Variants in STXBP5L observed in about 807,000 individuals in gnomAD.
STXBP5L encodes syntaxin binding protein 5L, also known as syntaxin-binding protein 5-like.
A neutral mutation model predicts 144.5 loss-of-function variants in STXBP5L; 65 were observed. The ratio of observed to expected loss-of-function variants is 0.45; its 90% CI spans 0.37 to 0.55. The LOEUF is 0.55. Ranked by LOEUF, STXBP5L falls within the 20% of genes least tolerant of loss-of-function variation. STXBP5L has a pLI of 0.00. For synonymous variants in STXBP5L, 505 were observed against 469.6 expected (o/e 1.08, Z -0.97); for missense variants, 1,298 against 1,405.5 (o/e 0.92, Z 1.22).
At chr3:121,417,579 C>CCT (rs1324938165) in intron 25 of STXBP5L, among the ~76,000 whole-genome samples, 1 of 152,148 alleles carries the variant, frequency 6.6e-6, no homozygotes, top group Admixed American at 6.5e-5. Context: ...GATTCTCGTG[C>CCT]CTCAGCCTCC....
intron 3 of STXBP5L, among the ~76,000 whole-genome samples, chr3:120,979,906 T>G (rs1361750866): frequency 6.6e-6 from 1 of 152,202 alleles, no homozygotes; most frequent in African/African-American, 2.4e-5. Flanking sequence ...ATCCTGTATG[T>G]TTTAGTATGT....
chr3:121,158,725 C>T (rs2046208005), intron 9 of STXBP5L: 1 of 152,130 alleles, frequency 6.6e-6, no homozygotes. Flanking sequence ...TCCACACACC[C>T]CCAGCTAACC....
intron 2 of STXBP5L, among the ~76,000 whole-genome samples, chr3:120,951,259 T>C (rs999090056): frequency 6.6e-6 from 1 of 152,002 alleles, no homozygotes; most frequent in Non-Finnish European, 1.5e-5. Flanking sequence ...ACTTCATGTC[T>C]AAAACACCAA....
intron 5 of STXBP5L, among the ~76,000 whole-genome samples, chr3:121,094,888 C>A (rs982523700): frequency 1.3e-5 from 2 of 152,020 alleles, no homozygotes; most frequent in Non-Finnish European, 2.9e-5. Context: ...TACATTTTGG[C>A]ATGATTTTGC....
chr3:121,010,404 G>A (rs1164224969), intron 3 of STXBP5L, among the ~76,000 whole-genome samples: 1 of 151,612 alleles, frequency 6.6e-6, no homozygotes, highest in Non-Finnish European at 1.5e-5. Context: ...TCCCTTTGGT[G>A]TCTAATATTA....
At chr3:121,037,258 CTT>C (rs371005089) in intron 3 of STXBP5L, among the ~76,000 whole-genome samples, 1 of 142,258 alleles carries the variant, frequency 7.0e-6, no homozygotes, top group Non-Finnish European at 1.5e-5. Flanking sequence ...TTTTTCTTTT[CTT>C]TTTTTTTTGA....
At chr3:121,240,318 T>C (rs967325142) in intron 13 of STXBP5L, 122 bp from the exon 14 acceptor site, 15 of 826,188 alleles carry the variant, frequency 1.8e-5, no homozygotes, top group Non-Finnish European at 2.6e-5. Context: ...CACTTCATTC[T>C]TGATGATTTT....
chr3:121,340,422 G>C (rs1358554868), intron 20 of STXBP5L, among the ~76,000 whole-genome samples: 2 of 151,956 alleles, frequency 1.3e-5, no homozygotes, highest in Non-Finnish European at 2.9e-5. Flanking sequence ...AAGTTGGTTT[G>C]CTGCACCCAT....
At chr3:120,960,996 T>G (rs1249910929) in intron 3 of STXBP5L, among the ~76,000 whole-genome samples, 1 of 152,186 alleles carries the variant, frequency 6.6e-6, no homozygotes, top group Non-Finnish European at 1.5e-5. Flanking sequence ...GTTTAAATCT[T>G]ATTACTCATT....
intron 12 of STXBP5L, among the ~76,000 whole-genome samples, chr3:121,236,064 G>A (rs2049472749): frequency 6.6e-6 from 1 of 152,062 alleles, no homozygotes; most frequent in African/African-American, 2.4e-5. Context: ...TACATATGAT[G>A]TTCTAAATAG....
At chr3:120,950,458 C>A (rs916143849) in intron 2 of STXBP5L, among the ~76,000 whole-genome samples, 6 of 152,114 alleles carry the variant, frequency 3.9e-5, no homozygotes, top group Middle Eastern at 3.4e-3. Flanking sequence ...ATGTGAGTTA[C>A]CTAACTTTGT....
intron 9 of STXBP5L, among the ~76,000 whole-genome samples, chr3:121,205,298 T>G (rs2048295232): frequency 6.6e-6 from 1 of 152,202 alleles, no homozygotes; most frequent in African/African-American, 2.4e-5. Flanking sequence ...CTTACTGTGT[T>G]ATAACATGGT....
intron 3 of STXBP5L, among the ~76,000 whole-genome samples, chr3:120,981,211 CAGG>C (rs755860685): frequency 7.2e-5 from 11 of 152,084 alleles, no homozygotes; most frequent in Non-Finnish European, 1.5e-4. Context: ...ATGTATCTTC[CAGG>C]AGTTTTCTGA....
chr3:121,103,329 G>A (rs1238609649), intron 5 of STXBP5L, among the ~76,000 whole-genome samples: 1 of 152,134 alleles, frequency 6.6e-6, no homozygotes, highest in African/African-American at 2.4e-5. Flanking sequence ...GAAAATTGGT[G>A]CATATACACT....
chr3:121,211,880 G>T (rs924441920), intron 10 of STXBP5L, among the ~76,000 whole-genome samples: 1 of 152,036 alleles, frequency 6.6e-6, no homozygotes, highest in Admixed American at 6.6e-5. Context: ...ATGCTGGCCT[G>T]TTTCCTGACT....
intron 9 of STXBP5L, among the ~76,000 whole-genome samples, chr3:121,168,546 A>G (rs965697276): frequency 2.0e-5 from 3 of 152,206 alleles, no homozygotes; most frequent in Admixed American, 6.5e-5. Flanking sequence ...TGAAGCATAC[A>G]CAAGTATCAA....
intron 5 of STXBP5L, among the ~76,000 whole-genome samples, chr3:121,049,217 A>T (rs1224838837): frequency 6.6e-6 from 1 of 152,122 alleles, no homozygotes; most frequent in Non-Finnish European, 1.5e-5. Flanking sequence ...GGTAGTCCCT[A>T]ATCACTGTGT....
At chr3:121,094,997 G>T (rs926060426) in intron 5 of STXBP5L, among the ~76,000 whole-genome samples, 1 of 152,060 alleles carries the variant, frequency 6.6e-6, no homozygotes, top group African/African-American at 2.4e-5. Flanking sequence ...GCATTTGCTT[G>T]TCTGTAAAGC....
intron 7 of STXBP5L, among the ~76,000 whole-genome samples, chr3:121,138,017 A>T (rs1431451513): frequency 1.3e-5 from 2 of 152,138 alleles, no homozygotes; most frequent in Admixed American, 6.6e-5. Context: ...ACATGATTTT[A>T]TACATAGAAA....
Sources: gnomAD v4.1 joint callset for allele counts (sites outside exome capture counted in the v4.1 genomes callset) on GRCh38, gnomAD v4.1.1 for gene constraint, MANE v1.5 for transcripts, NCBI Gene and HGNC (gene_info 2026-07-23, HGNC 2026-07-21) for gene names.